Variants in PDE3B observed in about 807,000 individuals in gnomAD.
The protein encoded by PDE3B is cGMP-inhibited 3',5'-cyclic phosphodiesterase 3B.
PDE3B carries 66 observed loss-of-function variants against 116.8 expected under a neutral mutation model. The observed-to-expected ratio is 0.56, with a 90% CI of 0.46 to 0.69. The LOEUF is 0.69. Among genes scored for constraint, PDE3B ranks in the 30% least tolerant of loss-of-function variants. The probability of loss-of-function intolerance (pLI) is 0.00; values close to 1 mark genes in which losing one functional copy is unlikely to be tolerated. For synonymous variants in PDE3B, 595 were observed against 533.6 expected, an observed-to-expected ratio of 1.12 and a Z score of -1.59; for missense variants, 1,384 against 1,368.1, an observed-to-expected ratio of 1.01 and a Z score of -0.18.
chr11:14,785,299 A>C (rs1858155341), intron 2 of PDE3B, among the ~76,000 whole-genome samples: 1 of 152,052 alleles, frequency 6.6e-6, no homozygotes, highest in South Asian at 2.1e-4. Context: ...TGCAGGGGAG[A>C]AAGGCTAGAA....
At chr11:14,693,047 G>A (rs562693688) in intron 1 of PDE3B, among the ~76,000 whole-genome samples, 8 of 152,284 alleles carry the variant, frequency 5.3e-5, no homozygotes, top group South Asian at 2.1e-4. Context: ...CTGCTGATAC[G>A]GAGAAGTTCG....
chr11:14,794,027 A>T (rs1390262810), intron 4 of PDE3B, among the ~76,000 whole-genome samples: 1 of 152,212 alleles, frequency 6.6e-6, no homozygotes, highest in Non-Finnish European at 1.5e-5. Context: ...GACCTTGTTA[A>T]GGTAATTTGT....
chr11:14,725,471 G>C (rs1856274026), intron 1 of PDE3B, among the ~76,000 whole-genome samples: 1 of 60,028 alleles, frequency 1.7e-5, no homozygotes, highest in Non-Finnish European at 2.9e-5. Context: ...TCCTCCCTCT[G>C]TCCCCCTTTC....
At chr11:14,894,704 C>A in the PDE3B span, among the ~76,000 whole-genome samples, 3 of 152,146 alleles carry the variant, frequency 2.0e-5, no homozygotes, top group Non-Finnish European at 2.9e-5. Context: ...GTGGGGTATT[C>A]TCAGGAATAA....
downstream of PDE3B, among the ~76,000 whole-genome samples, chr11:14,874,303 T>C (rs565237669): frequency 5.9e-5 from 9 of 152,180 alleles, no homozygotes; most frequent in Non-Finnish European, 1.0e-4. Context: ...ACAACAACAA[T>C]ATAGCATTGG....
intron 12 of PDE3B, among the ~76,000 whole-genome samples, chr11:14,851,187 C>CAGATTTTTGTGTTTAAGTAGATTTTGTG (rs1847742881): frequency 6.6e-6 from 1 of 151,838 alleles, no homozygotes; most frequent in East Asian, 1.9e-4. Context: ...TGTGTGGTAG[C>CAGATTTTTGTGTTTAAGTAGATTTTGTG]TGGGTTTGTT....
intron 1 of PDE3B, among the ~76,000 whole-genome samples, chr11:14,711,329 A>G (rs1855696299): frequency 6.6e-6 from 1 of 152,228 alleles, no homozygotes; most frequent in Non-Finnish European, 1.5e-5. Flanking sequence ...CTGAAGCTTA[A>G]GAGGTGACCC....
At chr11:14,850,824 T>C (rs1048265826) in intron 12 of PDE3B, among the ~76,000 whole-genome samples, 2 of 151,986 alleles carry the variant, frequency 1.3e-5, no homozygotes, top group African/African-American at 4.8e-5. Flanking sequence ...ATATGTGTTG[T>C]GTTTTGCTTT....
chr11:14,645,185 G>T lies in PDE3B; in HGVS notation c.978+132G>T, dbSNP rs1029463888. On this transcript the variant is annotated intron_variant, in intron 1 of 15. Transcript: ENST00000282096. Reference sequence around the variant, plus strand: ...GAAAAAGGGTGTGTTGCGGGGGGGGGGGGGGAGGAAATAATGTTTTATTCT... The same window carrying T: ...GAAAAAGGGTGTGTTGCGGGGGGGGTGGGGGAGGAAATAATGTTTTATTCT... 1.4e-4 allele frequency: 56 copies of T among 402,146 alleles called. 11 individuals carry two copies. The highest frequency in any genetic ancestry group is 1.8e-4 in the Non-Finnish European group (42 of 232,008). 24.9% of individuals were successfully genotyped at this position (402,146 alleles called of 1,614,324 possible). A position where few individuals can be genotyped will look rare whatever the true frequency, so the allele number is the denominator to read the frequency against.
chr11:14,713,909 G>A (rs183526991), intron 1 of PDE3B, among the ~76,000 whole-genome samples: 121 of 152,254 alleles, frequency 7.9e-4, no homozygotes, highest in African/African-American at 2.8e-3. Flanking sequence ...GTATGTGATG[G>A]AAGCAGTCTC....
downstream of PDE3B, among the ~76,000 whole-genome samples, chr11:14,876,496 T>C (rs1555009748): frequency 6.6e-6 from 1 of 152,168 alleles, no homozygotes; most frequent in Admixed American, 6.6e-5. Context: ...ATGTAGCACA[T>C]GTATTTTGGG....
chr11:14,818,151 T>G, intron 5 of PDE3B, 32 bp from the exon 6 acceptor site: 1 of 1,362,128 alleles, frequency 7.3e-7, no homozygotes, highest in Non-Finnish European at 1.0e-6. Flanking sequence ...TACATTCTTA[T>G]TTATCTATCT....
chr11:14,821,985 C>A (rs941239879), intron 7 of PDE3B, among the ~76,000 whole-genome samples: 2 of 151,518 alleles, frequency 1.3e-5, no homozygotes, highest in African/African-American at 4.9e-5. Context: ...TGGCTCACTG[C>A]AGCTTCCAAC....
intron 2 of PDE3B, chr11:14,776,536 A>T (rs1273574950): frequency 6.6e-6 from 1 of 152,368 alleles, no homozygotes; most frequent in Non-Finnish European, 1.5e-5. Context: ...CAAATGCTAG[A>T]TGACGAGTTA....
the PDE3B span, chr11:14,879,472 A>C: frequency 4.5e-6 from 7 of 1,545,274 alleles, no homozygotes; most frequent in Middle Eastern, 2.0e-4. Context: ...TCAAGTTATT[A>C]TGCAGTTCTT....
At chr11:14,819,666 A>T (rs1859453731) in intron 7 of PDE3B, among the ~76,000 whole-genome samples, 1 of 152,208 alleles carries the variant, frequency 6.6e-6, no homozygotes, top group Non-Finnish European at 1.5e-5. Context: ...GATGACTCAA[A>T]CTACCAGTAG....
intron 4 of PDE3B, among the ~76,000 whole-genome samples, chr11:14,797,554 A>G (rs1424191535): frequency 1.3e-5 from 2 of 152,130 alleles, no homozygotes; most frequent in Admixed American, 1.3e-4. Flanking sequence ...GATTCTTCCT[A>G]TCCATTAGCA....
chr11:14,845,279 C>T (rs1344871698), intron 12 of PDE3B, among the ~76,000 whole-genome samples: 2 of 152,130 alleles, frequency 1.3e-5, no homozygotes, highest in African/African-American at 2.4e-5. Flanking sequence ...GCTGAGGGTC[C>T]TGTCTGTTAG....
intron 14 of PDE3B, among the ~76,000 whole-genome samples, chr11:14,863,636 T>A (rs1484621029): frequency 2.6e-5 from 4 of 151,954 alleles, no homozygotes; most frequent in Non-Finnish European, 5.9e-5. Context: ...CAGAAGAGAG[T>A]GGGGGCCAAT....
Sources: allele counts gnomAD v4.1 joint callset (sites outside exome capture counted in the v4.1 genomes callset), GRCh38; gene constraint gnomAD v4.1.1; transcripts MANE v1.5; gene names NCBI Gene and HGNC (gene_info 2026-07-23, HGNC 2026-07-21).